CCDC88C: variants seen among roughly 807,000 people sequenced by gnomAD.
CCDC88C encodes coiled-coil and HOOK domain protein 88C, also known as protein Daple.
A neutral mutation model predicts 198.8 loss-of-function variants in CCDC88C; 131 were observed. The ratio of observed to expected loss-of-function variants is 0.66; its 90% CI spans 0.57 to 0.76. CCDC88C has a LOEUF of 0.76. Among genes scored for constraint, CCDC88C ranks in the 30% least tolerant of loss-of-function variants. The pLI, the probability that CCDC88C is intolerant of heterozygous loss-of-function variation, is 0.00. For synonymous variants in CCDC88C, 1,166 were observed against 1,114.7 expected, an observed-to-expected ratio of 1.05 and a Z score of -0.92; for missense variants, 2,553 against 2,631.6, an observed-to-expected ratio of 0.97 and a Z score of 0.65.
intron 13 of CCDC88C, among the ~76,000 whole-genome samples, chr14:91,319,432 C>T (rs1257284090): frequency 6.6e-6 from 1 of 152,242 alleles, no homozygotes; most frequent in East Asian, 1.9e-4. Flanking sequence ...TCTTCCCCAT[C>T]CCATAAACCC....
Position 91,276,863 on chromosome 14 carries a change from G to A in CCDC88C, c.5058+1059C>T, listed in dbSNP as rs111684329. Among the ~76,000 whole-genome samples the A allele has an allele frequency of 3.0e-3, 450 of 152,372 alleles. 5 individuals carry two copies. The highest frequency in any genetic ancestry group is 0.011 in the African/African-American group (438 of 41,590). On this transcript the variant is annotated intron_variant, in intron 29 of 29. Transcript: ENST00000389857. ...ACGAAGACCTACAGAGGTGGCAGGAGGTTGTCAACAGGCAGTGTTTAGGGT... is the reference window on the plus strand; with the variant it reads ...ACGAAGACCTACAGAGGTGGCAGGAAGTTGTCAACAGGCAGTGTTTAGGGT...
At chr14:91,310,116 C>G in intron 15 of CCDC88C, 130 bp from the exon 16 acceptor site, 1 of 873,302 alleles carries the variant, frequency 1.1e-6, no homozygotes, top group Non-Finnish European at 1.6e-6. Context: ...AGCGAGGGGA[C>G]TCTGAACCCC....
At chr14:91,358,149 C>T (rs184081339) in intron 4 of CCDC88C, among the ~76,000 whole-genome samples, 1 of 152,186 alleles carries the variant, frequency 6.6e-6, no homozygotes, top group Non-Finnish European at 1.5e-5. Flanking sequence ...GTTCTCAGGG[C>T]GGTGGCACTA....
At position 91,417,652 on chromosome 14, in the gene CCDC88C, C is replaced by G. The variant is rs757794416; in HGVS notation, c.39G>C (p.Leu13=). The G allele has an allele frequency of 3.8e-6, 6 of 1,589,974 alleles. No homozygotes were observed. The Admixed American group carries it at 1.0e-4, about 27-fold the overall frequency. Residue 13 remains leucine, a synonymous_variant, in exon 1 of 30, where the codon CTG becomes CTC. Transcript: ENST00000389857. The part of the protein sequence containing the change: ...VTVSELLELF[L]QSPLVTWVKT... Reference sequence around the variant, plus strand: ...TCACCCAGGTCACCAGCGGGCTCTGCAGGAAGAGCTCCAGGAGCTCCGAGA... The same window carrying G: ...TCACCCAGGTCACCAGCGGGCTCTGGAGGAAGAGCTCCAGGAGCTCCGAGA...
intron 3 of CCDC88C, chr14:91,378,861 C>A (rs534059196): frequency 6.6e-6 from 1 of 152,128 alleles, no homozygotes; most frequent in African/African-American, 2.4e-5. Flanking sequence ...ATTGTGTGAT[C>A]GTGTCTTCGT....
At chr14:91,285,474 T>C in intron 25 of CCDC88C, 2 of 463,086 alleles carry the variant, frequency 4.3e-6, no homozygotes, top group Non-Finnish European at 4.1e-6. Flanking sequence ...GCTGAAGAAA[T>C]GGTCCAGGGA....
intron 3 of CCDC88C, among the ~76,000 whole-genome samples, chr14:91,403,052 A>G: frequency 6.6e-6 from 1 of 152,166 alleles, no homozygotes; most frequent in East Asian, 1.9e-4. Context: ...ATGCAACTGT[A>G]GCATTTCAGG....
chr14:91,414,906 T>C (rs1042582925), intron 2 of CCDC88C, among the ~76,000 whole-genome samples: 1 of 152,026 alleles, frequency 6.6e-6, no homozygotes, highest in African/African-American at 2.4e-5. Context: ...ATGGGCCAAA[T>C]GAGAACAAGT....
chr14:91,295,969 C>A (rs1199821159), intron 22 of CCDC88C, among the ~76,000 whole-genome samples: 1 of 152,208 alleles, frequency 6.6e-6, no homozygotes, highest in Non-Finnish European at 1.5e-5. Flanking sequence ...AGAAAAAGAG[C>A]ACTGCCTGCA....
chr14:91,353,831 G>T (rs1444950869), intron 4 of CCDC88C, among the ~76,000 whole-genome samples: 1 of 152,238 alleles, frequency 6.6e-6, no homozygotes, highest in Non-Finnish European at 1.5e-5. Flanking sequence ...TCTTCTCAAA[G>T]GTTCCAGGGG....
intron 3 of CCDC88C, chr14:91,378,915 A>G (rs1884617173): frequency 6.6e-6 from 1 of 152,110 alleles, no homozygotes; most frequent in South Asian, 2.1e-4. Flanking sequence ...GGTGGCTTCC[A>G]GGTTTCTGTT....
intron 20 of CCDC88C, among the ~76,000 whole-genome samples, chr14:91,302,017 G>C (rs1705584211): frequency 6.6e-6 from 1 of 152,210 alleles, no homozygotes; most frequent in African/African-American, 2.4e-5. Flanking sequence ...TATAGTTTCA[G>C]ATGCCTCAAC....
chr14:91,324,689 A>G (rs1892508854), intron 12 of CCDC88C, 90 bp downstream of exon 12: 1 of 1,473,714 alleles, frequency 6.8e-7, no homozygotes. Context: ...TGGATGGGCT[A>G]ACATGGCAGA....
At chr14:91,351,357 C>T (rs1263113761) in intron 4 of CCDC88C, among the ~76,000 whole-genome samples, 1 of 152,114 alleles carries the variant, frequency 6.6e-6, no homozygotes, top group Non-Finnish European at 1.5e-5. Context: ...TACACGGGCA[C>T]ACCCCAACAC....
chr14:91,289,439 G>T, intron 24 of CCDC88C, 96 bp from the exon 25 acceptor site: 1 of 1,092,228 alleles, frequency 9.2e-7, no homozygotes, highest in Non-Finnish European at 1.4e-6. Flanking sequence ...TTCTTCCCCA[G>T]TCTGGGAAGC....
At chr14:91,390,391 TCA>T (rs1330484203) in intron 3 of CCDC88C, among the ~76,000 whole-genome samples, 2 of 152,244 alleles carry the variant, frequency 1.3e-5, no homozygotes, top group African/African-American at 4.8e-5. Flanking sequence ...GGGACTCTTC[TCA>T]CTCAGTGCAA....
At position 91,399,353 on chromosome 14, in the gene CCDC88C, G is replaced by A. The variant is rs1056066152; in HGVS notation, c.270+9306C>T. 9.9e-5 allele frequency among the ~76,000 whole-genome samples: 15 copies of A among 152,048 alleles called. No individual in the cohort carries two copies. In the East Asian group the frequency reaches 2.9e-3, roughly 30 times the overall value. ...ACGCCCCAACCCCAAGTCACACCAG[G>A]AACCCACGGACCCCTCAGCCCTGGA... On this transcript the variant is annotated intron_variant, in intron 3 of 29. Transcript: ENST00000389857.
Position 91,273,270 on chromosome 14 carries a change from C to T in CCDC88C, c.5442G>A (p.Arg1814=). ...GTTTGCAGGCCTCTGGCCCGCTGGC[C>T]CGGAGAAGGTCAGCTGAGGCCAGGC... ...AFSLASADLL[R]ASGPEACKQE... The change falls in exon 30 of 30, where the codon CGG becomes CGA. Residue 1814 remains arginine, a synonymous_variant. Transcript: ENST00000389857. This position sits in a 1 kb window ranked among gnomAD's most constrained non-coding sequence, Gnocchi z 5.6. 3.8e-6 allele frequency: 6 copies of T among 1,559,314 alleles called. No homozygotes were observed. The highest frequency in any genetic ancestry group is 5.2e-6 in the Non-Finnish European group (6 of 1,151,428).
intron 29 of CCDC88C, among the ~76,000 whole-genome samples, chr14:91,274,219 G>C (rs1416015857): frequency 6.6e-6 from 1 of 152,116 alleles, no homozygotes; most frequent in Non-Finnish European, 1.5e-5. Context: ...GAGGGGGTGG[G>C]GGACAGAGAG....
Sources: gnomAD v4.1 joint callset for allele counts (sites outside exome capture counted in the v4.1 genomes callset) on GRCh38, gnomAD v4.1.1 for gene constraint, Gnocchi (gnomAD v3.1) non-coding constraint, MANE v1.5 for transcripts, NCBI Gene and HGNC (gene_info 2026-07-23, HGNC 2026-07-21) for gene names.